Variants in GASK1A observed in about 807,000 individuals in gnomAD.
The protein encoded by GASK1A is golgi associated kinase 1A.
In GASK1A, 40 loss-of-function variants were observed where a neutral mutation model predicts 41.2. The ratio of observed to expected loss-of-function variants is 0.97; its 90% CI spans 0.75 to 1.27. The LOEUF is 1.27. GASK1A is among the 50% of genes most tolerant of loss of function. The pLI is 0.00. For missense variants in GASK1A, 678 were observed against 745.1 expected (o/e 0.91, Z 1.05); for synonymous variants, 316 against 307.1 (o/e 1.03, Z -0.30).
At chr3:43,044,239 G>A (rs1440703585) in intron 2 of GASK1A, among the ~76,000 whole-genome samples, 1 of 152,180 alleles carries the variant, frequency 6.6e-6, no homozygotes, top group Non-Finnish European at 1.5e-5. Context: ...TTGCTGTCCT[G>A]GCCCAAGAGA....
chr3:42,980,700 G>C (rs2089278471), intron 1 of GASK1A, among the ~76,000 whole-genome samples: 1 of 152,036 alleles, frequency 6.6e-6, no homozygotes, highest in African/African-American at 2.4e-5. Context: ...AGGAGCTGGG[G>C]GCTCAGGGAA....
chr3:43,007,130 A>G (rs1231177374), intron 1 of GASK1A, among the ~76,000 whole-genome samples: 1 of 152,198 alleles, frequency 6.6e-6, no homozygotes, highest in Non-Finnish European at 1.5e-5. Context: ...CTCCATGACC[A>G]TGGAAACAGG....
At chr3:43,011,827 G>A (rs1195489434) in intron 1 of GASK1A, among the ~76,000 whole-genome samples, 1 of 150,636 alleles carries the variant, frequency 6.6e-6, no homozygotes, top group African/African-American at 2.4e-5. Flanking sequence ...GAAGCCACAG[G>A]AAGAGGCAGT....
At position 43,026,293 on chromosome 3, in the gene GASK1A, A is replaced by C. The variant is rs567776191; in HGVS notation, c.4-5974A>C. ...ATGAGAAGAAGAAAGCATCTGCATC[A>C]TGAAAACCGGTTGATTTCAAATTCC... On this transcript the variant is annotated intron_variant, in intron 1 of 4. Coordinates refer to ENST00000430121, the MANE Select transcript of GASK1A (RefSeq NM_001129908.3). 1.3e-4 allele frequency among the ~76,000 whole-genome samples: 20 copies of C among 152,366 alleles called. No homozygotes were observed. The East Asian group carries it at 2.9e-3, about 22-fold the overall frequency.
intron 2 of GASK1A, chr3:43,037,186 C>A: frequency 8.8e-7 from 1 of 1,136,068 alleles, no homozygotes. Flanking sequence ...GCCAAAGAAC[C>A]TAAGTCAAAA....
intron 1 of GASK1A, among the ~76,000 whole-genome samples, chr3:42,999,907 T>G (rs139402774): frequency 6.6e-6 from 1 of 152,318 alleles, no homozygotes; most frequent in African/African-American, 2.4e-5. Context: ...AGACCATCAT[T>G]CTAGTCTCCG....
chr3:43,010,720 GCTT>G (rs1212477135), intron 1 of GASK1A, among the ~76,000 whole-genome samples: 1 of 152,108 alleles, frequency 6.6e-6, no homozygotes, highest in Non-Finnish European at 1.5e-5. Context: ...ATTTTCTAAG[GCTT>G]CTTTTGGTTT....
At chr3:43,017,769 G>A (rs1417626575) in intron 1 of GASK1A, among the ~76,000 whole-genome samples, 3 of 151,184 alleles carry the variant, frequency 2.0e-5, no homozygotes, top group African/African-American at 4.9e-5. Context: ...GAAGCCACAG[G>A]GAAGGGCAAG....
intron 1 of GASK1A, among the ~76,000 whole-genome samples, chr3:42,996,327 C>A (rs2089369255): frequency 6.6e-6 from 1 of 152,218 alleles, no homozygotes; most frequent in South Asian, 2.1e-4. Flanking sequence ...ATCTACAACA[C>A]CTCATGTAAC....
At chr3:43,008,364 A>G (rs931109683) in intron 1 of GASK1A, among the ~76,000 whole-genome samples, 5 of 152,194 alleles carry the variant, frequency 3.3e-5, no homozygotes, top group African/African-American at 1.2e-4. Flanking sequence ...GTGCACCCCC[A>G]GACGTGGCTG....
chr3:43,050,056 C>CA (rs35496497), intron 2 of GASK1A, among the ~76,000 whole-genome samples: 81,979 of 148,270 alleles, frequency 0.55, 23,066 homozygotes, highest in Admixed American at 0.64. Context: ...AAGTCCAGAA[C>CA]AAAAAAAAAT....
At chr3:43,049,199 A>C (rs1018713249) in intron 2 of GASK1A, among the ~76,000 whole-genome samples, 2 of 152,202 alleles carry the variant, frequency 1.3e-5, no homozygotes, top group African/African-American at 4.8e-5. Context: ...AGTGGTGTGC[A>C]TGCCAATGTG....
At chr3:43,055,851 C>T (rs966842122) in intron 4 of GASK1A, 2 of 468,818 alleles carry the variant, frequency 4.3e-6, no homozygotes, top group African/African-American at 3.9e-5. Flanking sequence ...CCAGCTCACT[C>T]TTGGCAGGCA....
At chr3:43,048,393 T>C (rs567141372) in intron 2 of GASK1A, among the ~76,000 whole-genome samples, 1 of 152,350 alleles carries the variant, frequency 6.6e-6, no homozygotes, top group South Asian at 2.1e-4. Flanking sequence ...GAGGGGTTTC[T>C]ATCTAGGTTT....
intron 1 of GASK1A, among the ~76,000 whole-genome samples, chr3:43,008,072 G>A (rs114364145): frequency 1.1e-3 from 174 of 152,262 alleles, no homozygotes; most frequent in African/African-American, 4.0e-3. Context: ...TCAAAACTCC[G>A]GCTAATAAAC....
chr3:43,027,013 C>A (rs2089550160), intron 1 of GASK1A, among the ~76,000 whole-genome samples: 1 of 152,150 alleles, frequency 6.6e-6, no homozygotes, highest in African/African-American at 2.4e-5. Context: ...TTAGGGCAGC[C>A]AGGCAGGGTA....
intron 1 of GASK1A, among the ~76,000 whole-genome samples, chr3:43,011,112 G>C (rs2089461174): frequency 6.6e-6 from 1 of 152,180 alleles, no homozygotes; most frequent in African/African-American, 2.4e-5. Flanking sequence ...GGCCAGGCAT[G>C]GTGACTCACG....
intron 1 of GASK1A, among the ~76,000 whole-genome samples, chr3:42,982,522 T>G (rs1234509116): frequency 1.1e-4 from 16 of 152,222 alleles, no homozygotes; most frequent in Admixed American, 9.8e-4. Flanking sequence ...CGTTTCCATG[T>G]CTACATCTCT....
rs538817199 is a variant in GASK1A, at chr3:42,979,769, T to C, written c.3+124T>C. Reference sequence around the variant, plus strand: ...GCGCGGCCTCCCGAGGCCGGAGTTGTTCCCCGAAAGTTGCATGGGGCGGCG... The same window carrying C: ...GCGCGGCCTCCCGAGGCCGGAGTTGCTCCCCGAAAGTTGCATGGGGCGGCG... On this transcript the variant is annotated intron_variant, in intron 1 of 4. Coordinates refer to ENST00000430121, the MANE Select transcript of GASK1A (RefSeq NM_001129908.3). The C allele has an allele frequency of 8.0e-4, 818 of 1,020,646 alleles. 7 individuals carry two copies. The African/African-American group carries it at 0.013, about 16-fold the overall frequency. 63.2% of individuals were successfully genotyped at this position (1,020,646 alleles called of 1,614,324 possible). A position where few individuals can be genotyped will look rare whatever the true frequency, so the allele number is the denominator to read the frequency against.
Sources: gnomAD v4.1 joint callset for allele counts (sites outside exome capture counted in the v4.1 genomes callset) on GRCh38, gnomAD v4.1.1 for gene constraint, MANE v1.5 for transcripts, NCBI Gene and HGNC (gene_info 2026-07-23, HGNC 2026-07-21) for gene names.